The following PGAP4 variants were observed in gnomAD, a reference collection of about 807,000 sequenced individuals.
PGAP4 encodes the protein post-GPI attachment to proteins GalNAc transferase 4.
Under a neutral mutation model 28.2 loss-of-function variants are expected in PGAP4, and 12 were observed. That is an observed-to-expected ratio of 0.42 (90% confidence interval 0.27 to 0.69). The LOEUF is 0.69. Among genes scored for constraint, PGAP4 ranks in the 30% least tolerant of loss-of-function variants. PGAP4 has a pLI of 0.22. For synonymous variants in PGAP4, 205 were observed against 211.8 expected, an observed-to-expected ratio of 0.97 and a Z score of 0.28; for missense variants, 425 against 513.5, an observed-to-expected ratio of 0.83 and a Z score of 1.67.
At chr9:101,493,990 G>A (rs966215878) in intron 2 of PGAP4, among the ~76,000 whole-genome samples, 1 of 151,956 alleles carries the variant, frequency 6.6e-6, no homozygotes, top group African/African-American at 2.4e-5. Context: ...TTTTTTTAAA[G>A]AAATATAATT....
At chr9:101,491,182 G>C (rs764759037), upstream of PGAP4, among the ~76,000 whole-genome samples, 1 of 152,104 alleles carries the variant, frequency 6.6e-6, no homozygotes. Flanking sequence ...GCAATGGTAC[G>C]CTTATTCTGT....
At chr9:101,519,557 G>T (rs1826969333) in intron 2 of PGAP4, among the ~76,000 whole-genome samples, 1 of 151,812 alleles carries the variant, frequency 6.6e-6, no homozygotes, top group African/African-American at 2.4e-5. Flanking sequence ...CCACTCTGTG[G>T]GTGGTCTGCT....
intron 1 of PGAP4, chr9:101,481,478 C>T (rs924193215): frequency 6.6e-6 from 1 of 152,226 alleles, no homozygotes; most frequent in African/African-American, 2.4e-5. Context: ...TCCGATTCTA[C>T]AGAACAATAC....
intron 2 of PGAP4, among the ~76,000 whole-genome samples, chr9:101,525,280 C>T (rs879678610): frequency 5.3e-5 from 8 of 151,994 alleles, no homozygotes; most frequent in East Asian, 1.9e-4. Flanking sequence ...TTTATTTACA[C>T]GTAAATAGCT....
At chr9:101,506,951 C>T (rs767972155) in intron 2 of PGAP4, among the ~76,000 whole-genome samples, 2 of 152,076 alleles carry the variant, frequency 1.3e-5, no homozygotes, top group Non-Finnish European at 2.9e-5. Context: ...CCCATTTTCC[C>T]GTGGTTCCAA....
chr9:101,477,299 T>C (rs1826356497), intron 1 of PGAP4, 130 bp from the exon 2 acceptor site: 1 of 564,086 alleles, frequency 1.8e-6, no homozygotes, highest in Admixed American at 3.8e-5. Flanking sequence ...GGAGGCTCTG[T>C]AGCTTCTACA....
intron 1 of PGAP4, among the ~76,000 whole-genome samples, chr9:101,480,210 C>T (rs1286148732): frequency 1.3e-5 from 2 of 152,094 alleles, no homozygotes; most frequent in African/African-American, 2.4e-5. Context: ...TAAGGACAGG[C>T]TTCAGTAATG....
At chr9:101,484,629 C>A (rs1156253909) in intron 1 of PGAP4, among the ~76,000 whole-genome samples, 1 of 152,146 alleles carries the variant, frequency 6.6e-6, no homozygotes, top group East Asian at 1.9e-4. Context: ...GGAGAGATCA[C>A]TTCTCTTCTC....
At chr9:101,508,180 T>C (rs1027834004) in intron 2 of PGAP4, among the ~76,000 whole-genome samples, 1 of 151,066 alleles carries the variant, frequency 6.6e-6, no homozygotes, top group African/African-American at 2.4e-5. Flanking sequence ...GGAAGAAAAC[T>C]TTTGTGCTGG....
intron 2 of PGAP4, among the ~76,000 whole-genome samples, chr9:101,509,603 C>T (rs1007354953): frequency 6.6e-6 from 1 of 152,168 alleles, no homozygotes; most frequent in African/African-American, 2.4e-5. Context: ...TCCATCTCCT[C>T]ACAGAGCTGC....
chr9:101,522,706 A>C (rs913221336), intron 2 of PGAP4, among the ~76,000 whole-genome samples: 1 of 152,218 alleles, frequency 6.6e-6, no homozygotes, highest in Admixed American at 6.5e-5. Context: ...CATTACTTAC[A>C]TTCAATGTTA....
At chr9:101,517,105 T>G (rs1276702441) in intron 2 of PGAP4, among the ~76,000 whole-genome samples, 1 of 152,198 alleles carries the variant, frequency 6.6e-6, no homozygotes, top group African/African-American at 2.4e-5. Context: ...TAAATTGCAG[T>G]AACTGAAATT....
chr9:101,490,819 A>G (rs73501266), upstream of PGAP4, among the ~76,000 whole-genome samples: 1,846 of 152,276 alleles, frequency 0.012, 29 homozygotes, highest in African/African-American at 0.04. Flanking sequence ...TGGGGCTTGG[A>G]AGAAAAAAAT....
chr9:101,518,025 C>A (rs934198009), intron 2 of PGAP4, among the ~76,000 whole-genome samples: 5 of 152,086 alleles, frequency 3.3e-5, no homozygotes, highest in African/African-American at 1.2e-4. Context: ...ACCCCTCAGA[C>A]CTTCCTCCCT....
chr9:101,474,078 AGAGACTTT>A lies in PGAP4; in HGVS notation c.*1795_*1802del, dbSNP rs1826227534. ...TCAGCTTATACTCAGATTTTACAAAAGAGACTTTGACCACATAGATATTCATAAAATTA... is the reference window on the plus strand; with the variant it reads ...TCAGCTTATACTCAGATTTTACAAAAGACCACATAGATATTCATAAAATTA... On this transcript the variant is annotated 3_prime_UTR_variant, in exon 2 of 2. Coordinates refer to ENST00000374848, the MANE Select transcript of PGAP4 (RefSeq NM_032342.3). 6.6e-6 allele frequency: 1 copy of A among 152,242 alleles called. No homozygotes were observed. Among genetic ancestry groups the A allele is most frequent in the African/African-American group, 2.4e-5 (1 of 41,466 alleles). 9.4% of individuals were successfully genotyped at this position (152,242 alleles called of 1,614,324 possible).
At chr9:101,524,279 C>T (rs1345220654) in intron 2 of PGAP4, among the ~76,000 whole-genome samples, 2 of 151,800 alleles carry the variant, frequency 1.3e-5, no homozygotes, top group Non-Finnish European at 2.9e-5. Flanking sequence ...CAGTCACAGG[C>T]TTCACCCAGC....
rs1475757138 is a variant in PGAP4 at position 101,476,987 on chromosome 9, C to CAA, written c.104_105dup (p.Gly36LeufsTer24). ...TGACAGGCCAGGGGGGCCAGCAGGC[C>CAA]AAACGTCACCACTGTTAGGATGAAG... On this transcript the variant is annotated frameshift_variant, in exon 2 of 2. Coordinates refer to ENST00000374848, the MANE Select transcript of PGAP4 (RefSeq NM_032342.3). LOFTEE classifies it high-confidence loss of function. This position sits in a 1 kb window ranked among gnomAD's most constrained non-coding sequence, Gnocchi z 7.0. The CAA allele has an allele frequency of 1.9e-6, 3 of 1,613,602 alleles. No individual in the cohort carries two copies. Among genetic ancestry groups the CAA allele is most frequent in the Non-Finnish European group, 2.5e-6 (3 of 1,179,934 alleles).
At chr9:101,514,837 T>C (rs1332343555) in intron 2 of PGAP4, among the ~76,000 whole-genome samples, 3 of 152,166 alleles carry the variant, frequency 2.0e-5, no homozygotes. Context: ...GTGTGAACCA[T>C]TTCCCTCATC....
At chr9:101,512,496 G>A (rs1327970937) in intron 2 of PGAP4, among the ~76,000 whole-genome samples, 1 of 152,114 alleles carries the variant, frequency 6.6e-6, no homozygotes, top group Non-Finnish European at 1.5e-5. Context: ...GTCCAGTGGA[G>A]CTTCCCTCTA....
Sources: gnomAD v4.1 joint callset for allele counts (sites outside exome capture counted in the v4.1 genomes callset) on GRCh38, gnomAD v4.1.1 for gene constraint, Gnocchi (gnomAD v3.1) non-coding constraint, MANE v1.5 for transcripts, NCBI Gene and HGNC (gene_info 2026-07-23, HGNC 2026-07-21) for gene names.